Variants in NALCN observed in about 807,000 individuals in gnomAD.
The protein encoded by NALCN is sodium leak channel NALCN.
NALCN carries 111 observed loss-of-function variants against 225.3 expected under a neutral mutation model. That is an observed-to-expected ratio of 0.49 (90% CI 0.42 to 0.58). The LOEUF is 0.58. Ranked by LOEUF, NALCN falls within the 20% of genes least tolerant of loss-of-function variation. The pLI is 0.00. For synonymous variants in NALCN, 764 were observed against 769.0 expected (o/e 0.99, Z 0.11); for missense variants, 1,378 against 2,202.4 (o/e 0.63, Z 7.49).
chr13:101,104,258 A>G lies in NALCN; in HGVS notation c.2889+37T>C. 6.4e-7 allele frequency: 1 copy of G among 1,564,644 alleles called. No homozygotes were observed. The highest frequency in any genetic ancestry group is 8.6e-7 in the Non-Finnish European group (1 of 1,159,532). ...GAAATGCAGGAGATTTTACAAAACC[A>G]TTACATTTTTCATTTAGGCAATAAG... On this transcript the variant is annotated intron_variant, in intron 25 of 43. Transcript: ENST00000251127. The surrounding 1 kb of genome is among the most constrained non-coding windows in gnomAD (Gnocchi z 4.2).
At chr13:101,318,066 ATTACCCC>A (rs2139178613) in intron 7 of NALCN, among the ~76,000 whole-genome samples, 1 of 152,134 alleles carries the variant, frequency 6.6e-6, no homozygotes, top group South Asian at 2.1e-4. Context: ...CTATCCCTTC[ATTACCCC>A]TTTTCCCATT....
chr13:101,325,237 C>A (rs2044902515), intron 7 of NALCN, among the ~76,000 whole-genome samples: 1 of 152,092 alleles, frequency 6.6e-6, no homozygotes, highest in African/African-American at 2.4e-5. Flanking sequence ...ACAGAGATGA[C>A]CAAAGGAACT....
At chr13:101,276,169 G>T (rs1323935147) in intron 10 of NALCN, among the ~76,000 whole-genome samples, 1 of 150,964 alleles carries the variant, frequency 6.6e-6, no homozygotes, top group Non-Finnish European at 1.5e-5. Context: ...GAAAGACATT[G>T]CAGGCATGAC....
At chr13:101,066,052 G>A (rs904237689) in intron 39 of NALCN, among the ~76,000 whole-genome samples, 8 of 152,130 alleles carry the variant, frequency 5.3e-5, no homozygotes, top group African/African-American at 2.4e-5. Context: ...AAGATAACTC[G>A]TGTTGGATCA....
At chr13:101,296,557 C>T (rs2043763343) in intron 7 of NALCN, among the ~76,000 whole-genome samples, 1 of 152,130 alleles carries the variant, frequency 6.6e-6, no homozygotes, top group African/African-American at 2.4e-5. Flanking sequence ...AATATTTTTT[C>T]TAGATGTGCT....
chr13:101,161,021 C>T (rs571351699), intron 15 of NALCN, among the ~76,000 whole-genome samples: 1 of 152,284 alleles, frequency 6.6e-6, no homozygotes, highest in East Asian at 1.9e-4. Flanking sequence ...TTCCTCAAGG[C>T]TCCAGCATAT....
At chr13:101,241,913 G>T (rs572001211) in intron 11 of NALCN, among the ~76,000 whole-genome samples, 1 of 104,884 alleles carries the variant, frequency 9.5e-6, no homozygotes, top group Non-Finnish European at 2.1e-5. Flanking sequence ...CCTGAAAACT[G>T]CAAGTTCTGG....
Position 101,241,050 on chromosome 13 carries a change from C to A in NALCN, c.1267-3128G>T, listed in dbSNP as rs1594509785. On this transcript the variant is annotated intron_variant, in intron 11 of 43. Transcript: ENST00000251127. ...GTTTTTATCTTTTGTATGAAAATTT[C>A]TGAAATAAAATAAGAATTAGCACAC... Among the ~76,000 whole-genome samples, 3 of 152,060 alleles carry A rather than the reference C, an allele frequency of 2.0e-5. No individual in the cohort carries two copies. The East Asian group carries it at 5.8e-4, about 29-fold the overall frequency.
chr13:101,176,382 A>T lies in NALCN; in HGVS notation c.1765-8T>A. ...AAACAAACTCAGGAGGATCTATAAA[A>T]TGGTGAAATAACAATGAAAAAACCC... is the stretch of plus-strand genomic sequence containing the variant. On this transcript the variant is annotated splice_region_variant and splice_polypyrimidine_tract_variant and intron_variant, in intron 14 of 43. Transcript: ENST00000251127. 1 of 1,586,524 alleles carries T rather than the reference A, an allele frequency of 6.3e-7. No individual in the cohort carries two copies. Among genetic ancestry groups the T allele is most frequent in the Non-Finnish European group, 8.5e-7 (1 of 1,170,718 alleles).
At position 101,107,762 on chromosome 13, in the gene NALCN, C is replaced by T. The variant is rs1470737542; in HGVS notation, c.2392G>A (p.Ala798Thr). 1.9e-6 allele frequency: 3 copies of T among 1,613,540 alleles called. No individual in the cohort carries two copies. In the African/African-American group the frequency reaches 4.0e-5, roughly 22 times the overall value. Residue 798 changes from alanine (A) to threonine (T), a missense_variant, in exon 21 of 44, where the codon GCA (alanine) becomes ACA (threonine). Around this residue, in one of 19 missense-constraint regions of NALCN, gnomAD observed 66 missense variants for 85.7 expected, o/e 0.77. Coordinates refer to ENST00000251127, the MANE Select transcript of NALCN (RefSeq NM_052867.4). ...DHSNTVRYRN[A>T]QREDSEIKMI... ...TTTATTTCACTGTCTTCTCTTTGTG[C>T]ATTTCTATATCTCACTGTATTGGAA...
intron 34 of NALCN, among the ~76,000 whole-genome samples, chr13:101,078,977 T>C (rs1028322599): frequency 6.6e-6 from 1 of 152,192 alleles, no homozygotes; most frequent in African/African-American, 2.4e-5. Context: ...CAAGATCTGA[T>C]GGTTTTATAA....
Position 101,104,794 on chromosome 13 carries a change from A to G in NALCN, c.2636+100T>C. The G allele has an allele frequency of 8.4e-6, 13 of 1,554,878 alleles. No homozygotes were observed. The highest frequency in any genetic ancestry group is 1.1e-5 in the Non-Finnish European group (13 of 1,131,930). On this transcript the variant is annotated intron_variant, in intron 23 of 43. Coordinates refer to ENST00000251127, the MANE Select transcript of NALCN (RefSeq NM_052867.4). The surrounding 1 kb of genome is among the most constrained non-coding windows in gnomAD (Gnocchi z 4.2). The stretch of plus-strand genomic sequence containing the variant: ...CCAATCATCTATTTCATAGCACTAT[A>G]TAGCAAGAAAATAAAAGAGAATTTT...
intron 37 of NALCN, among the ~76,000 whole-genome samples, chr13:101,070,084 T>TTTTTTTG: frequency 6.7e-6 from 1 of 149,390 alleles, no homozygotes; most frequent in Non-Finnish European, 1.5e-5. Context: ...TTTTTTTTTT[T>TTTTTTTG]GAGACGGAGT....
In NALCN at chr13:101,072,890, G is replaced by T. The variant is rs957139825; in HGVS notation, c.4197+694C>A. Among the ~76,000 whole-genome samples, 6 of 152,270 alleles carry T rather than the reference G, an allele frequency of 3.9e-5. No homozygotes were observed. In the South Asian group the frequency reaches 1.0e-3, roughly 26 times the overall value. On this transcript the variant is annotated intron_variant, in intron 37 of 43. Coordinates refer to ENST00000251127, the MANE Select transcript of NALCN (RefSeq NM_052867.4). ...TAACCACATATGGCTAGTGGCTCCCGAATTGGACAGTGCAGATTTCCATCA... is the reference window on the plus strand; with the variant it reads ...TAACCACATATGGCTAGTGGCTCCCTAATTGGACAGTGCAGATTTCCATCA...
chr13:101,269,105 A>T (rs2042689445), intron 10 of NALCN, among the ~76,000 whole-genome samples: 1 of 152,140 alleles, frequency 6.6e-6, no homozygotes, highest in African/African-American at 2.4e-5. Context: ...TGAAGTGTTC[A>T]CTTTGCTTAC....
intron 15 of NALCN, among the ~76,000 whole-genome samples, chr13:101,160,327 T>A (rs2038117844): frequency 6.6e-6 from 1 of 152,222 alleles, no homozygotes; most frequent in African/African-American, 2.4e-5. Flanking sequence ...GCTTTGTCTG[T>A]GTCTCTTGCC....
intron 12 of NALCN, among the ~76,000 whole-genome samples, chr13:101,235,549 C>T (rs1239798536): frequency 6.6e-6 from 1 of 152,154 alleles, no homozygotes; most frequent in Non-Finnish European, 1.5e-5. Context: ...TGCACAAGAG[C>T]TTATAATCAC....
At chr13:101,106,727 A>T (rs888863117) in intron 22 of NALCN, among the ~76,000 whole-genome samples, 1 of 152,190 alleles carries the variant, frequency 6.6e-6, no homozygotes, top group Admixed American at 6.5e-5. Flanking sequence ...GTCTGCTGCC[A>T]TGTAAGATGT....
chr13:101,117,468 T>C (rs989316128), intron 18 of NALCN, among the ~76,000 whole-genome samples: 11 of 152,230 alleles, frequency 7.2e-5, no homozygotes, highest in Admixed American at 2.6e-4. Context: ...AGGAACTGCA[T>C]TGGCCAATTT....
Sources: allele counts gnomAD v4.1 joint callset (sites outside exome capture counted in the v4.1 genomes callset), GRCh38; gene constraint gnomAD v4.1.1; regional missense constraint gnomAD v4.1.1; non-coding constraint Gnocchi (gnomAD v3.1); transcripts MANE v1.5; gene names NCBI Gene and HGNC (gene_info 2026-07-23, HGNC 2026-07-21).